Variants in TAOK3 observed in about 807,000 individuals in gnomAD.
TAOK3 encodes the protein TAO kinase 3, also known as serine/threonine-protein kinase TAO3.
A neutral mutation model predicts 120.4 loss-of-function variants in TAOK3; 40 were observed. The ratio of observed to expected loss-of-function variants is 0.33; its 90% CI spans 0.26 to 0.43. TAOK3 has a LOEUF of 0.43. Ranked by LOEUF, TAOK3 falls within the 20% of genes least tolerant of loss-of-function variation. The pLI is 1.00. For missense variants in TAOK3, 821 were observed against 1,112.1 expected (o/e 0.74, Z 3.72); for synonymous variants, 355 against 387.5 (o/e 0.92, Z 0.99).
At chr12:118,292,899 A>G (rs1460475701) in intron 1 of TAOK3, among the ~76,000 whole-genome samples, 4 of 152,236 alleles carry the variant, frequency 2.6e-5, no homozygotes, top group African/African-American at 9.6e-5. Context: ...TAATCCTGTA[A>G]TGGGACTTTT....
At chr12:118,288,851 G>A (rs1331858044) in intron 1 of TAOK3, among the ~76,000 whole-genome samples, 1 of 147,686 alleles carries the variant, frequency 6.8e-6, no homozygotes, top group African/African-American at 2.5e-5. Flanking sequence ...AGGAAGTGGA[G>A]GTTGCAGTGA....
At chr12:118,158,196 C>A (rs1220555522) in intron 19 of TAOK3, among the ~76,000 whole-genome samples, 2 of 152,234 alleles carry the variant, frequency 1.3e-5, no homozygotes, top group Non-Finnish European at 2.9e-5. Flanking sequence ...TGATTATTCA[C>A]TTTTGTTCTA....
At position 118,238,177 on chromosome 12, in the gene TAOK3, A is replaced by C; in HGVS notation, c.341-8T>G. 1 of 1,568,368 alleles carries C rather than the reference A, an allele frequency of 6.4e-7. No individual in the cohort carries two copies. The highest frequency in any genetic ancestry group is 1.1e-5 in the South Asian group (1 of 88,838). On this transcript the variant is annotated splice_region_variant and splice_polypyrimidine_tract_variant and intron_variant, in intron 6 of 20. Coordinates refer to ENST00000392533, the MANE Select transcript of TAOK3 (RefSeq NM_016281.4). Reference sequence around the variant, plus strand: ...GAAGTGGTTTTTTATGAACTGAGGAAGGAAAAAAAAAAAAGTCAGTAGATG... The same window carrying C: ...GAAGTGGTTTTTTATGAACTGAGGACGGAAAAAAAAAAAAGTCAGTAGATG...
intron 1 of TAOK3, among the ~76,000 whole-genome samples, chr12:118,360,360 G>A (rs2045553743): frequency 4.6e-5 from 7 of 151,280 alleles, no homozygotes; most frequent in Admixed American, 4.6e-4. Context: ...GAGGTCAGGA[G>A]ATCGACACCA....
At chr12:118,199,333 A>C (rs1228004640) in intron 12 of TAOK3, 76 bp from the exon 13 acceptor site, 1 of 1,225,842 alleles carries the variant, frequency 8.2e-7, no homozygotes, top group Non-Finnish European at 1.2e-6. Context: ...AGTGTCAAGC[A>C]CACTCAATTT....
chr12:118,194,645 G>A (rs2037615844), intron 13 of TAOK3, among the ~76,000 whole-genome samples: 1 of 144,862 alleles, frequency 6.9e-6, no homozygotes, highest in Admixed American at 6.9e-5. Context: ...ATCCCGCAAA[G>A]GTGGTGAAAG....
chr12:118,306,545 A>G (rs150016067), intron 1 of TAOK3, among the ~76,000 whole-genome samples: 14 of 152,174 alleles, frequency 9.2e-5, no homozygotes, highest in African/African-American at 3.4e-4. Flanking sequence ...CATGATTGTA[A>G]ATGGATGTGA....
intron 16 of TAOK3, among the ~76,000 whole-genome samples, chr12:118,176,705 TAAATA>T (rs1398651709): frequency 2.0e-5 from 3 of 151,630 alleles, no homozygotes; most frequent in Non-Finnish European, 2.9e-5. Context: ...AATAAATAAA[TAAATA>T]AAATAAAATC....
At chr12:118,169,821 C>T (rs949982459) in intron 17 of TAOK3, among the ~76,000 whole-genome samples, 2 of 150,542 alleles carry the variant, frequency 1.3e-5, no homozygotes, top group Admixed American at 1.3e-4. Context: ...CCCGGGTTCA[C>T]GCCATTCTCC....
intron 13 of TAOK3, among the ~76,000 whole-genome samples, chr12:118,191,983 T>C (rs2139111635): frequency 6.6e-6 from 1 of 152,282 alleles, no homozygotes; most frequent in East Asian, 1.9e-4. Context: ...TGGGCAACAG[T>C]TCAGTTTCAC....
At position 118,181,482 on chromosome 12, in the gene TAOK3, C is replaced by T; in HGVS notation, c.1455G>A (p.Glu485=). 2.5e-6 allele frequency: 4 copies of T among 1,614,218 alleles called. No individual in the cohort carries two copies. The highest frequency in any genetic ancestry group is 3.4e-6 in the Non-Finnish European group (4 of 1,180,040). ...LIALENKLKA[E]MDEHRLKLQK... The stretch of plus-strand genomic sequence containing the variant: ...GTAGCTTGAGGCGGTGCTCGTCCAT[C>T]TCAGCCTTCAGCTTGTTCTCCAGGG... Residue 485 remains glutamate (E), a synonymous_variant, in exon 15 of 21, where the codon GAG becomes GAA. Transcript: ENST00000392533.
At chr12:118,258,006 G>A (rs1003442442) in intron 2 of TAOK3, among the ~76,000 whole-genome samples, 12 of 151,992 alleles carry the variant, frequency 7.9e-5, no homozygotes, top group Admixed American at 2.0e-4. Context: ...GATCATGAGG[G>A]GAAAATAAAT....
chr12:118,332,281 CCCACAT>C (rs1351078571), intron 1 of TAOK3, among the ~76,000 whole-genome samples: 3 of 152,140 alleles, frequency 2.0e-5, no homozygotes, highest in African/African-American at 7.2e-5. Context: ...CCAACCCCCA[CCCACAT>C]CCACTTTCCA....
intron 1 of TAOK3, among the ~76,000 whole-genome samples, chr12:118,353,082 G>A (rs373381258): frequency 9.2e-5 from 14 of 152,072 alleles, no homozygotes; most frequent in African/African-American, 1.7e-4. Context: ...AGTTTCCTCC[G>A]CCTTATGCTA....
intron 1 of TAOK3, among the ~76,000 whole-genome samples, chr12:118,277,272 T>C (rs1401693604): frequency 6.6e-6 from 1 of 152,202 alleles, no homozygotes; most frequent in East Asian, 1.9e-4. Context: ...CTTGATATCA[T>C]CTGGCCTTCA....
chr12:118,207,901 A>T (rs1283104117), intron 11 of TAOK3, among the ~76,000 whole-genome samples: 1 of 86,444 alleles, frequency 1.2e-5, no homozygotes, highest in Admixed American at 1.3e-4. Context: ...TGCACAAATT[A>T]AAAAATAAAA....
At chr12:118,344,648 C>T (rs1308594818) in intron 1 of TAOK3, among the ~76,000 whole-genome samples, 1 of 151,662 alleles carries the variant, frequency 6.6e-6, no homozygotes, top group Non-Finnish European at 1.5e-5. Context: ...ATATTTGAAA[C>T]GAATGGGAAA....
chr12:118,359,553 C>T (rs1279214939), intron 1 of TAOK3: 1 of 152,198 alleles, frequency 6.6e-6, no homozygotes, highest in East Asian at 1.9e-4. Context: ...GGCAACCATT[C>T]TCATTTTAAT....
intron 1 of TAOK3, among the ~76,000 whole-genome samples, chr12:118,277,465 A>AT (rs879370199): frequency 1.0e-3 from 144 of 144,618 alleles, no homozygotes; most frequent in South Asian, 5.1e-3. Context: ...TCCACCATGT[A>AT]TTTTTTTTTT....
Sources: allele counts gnomAD v4.1 joint callset (sites outside exome capture counted in the v4.1 genomes callset), GRCh38; gene constraint gnomAD v4.1.1; transcripts MANE v1.5; gene names NCBI Gene and HGNC (gene_info 2026-07-23, HGNC 2026-07-21).